ENOX1: variants seen among roughly 807,000 people sequenced by gnomAD.
The protein encoded by ENOX1 is candidate growth-related and time keeping constitutive hydroquinone (NADH) oxidase.
Under a neutral mutation model 82.5 loss-of-function variants are expected in ENOX1, and 42 were observed. The ratio of observed to expected loss-of-function variants is 0.51; its 90% CI spans 0.40 to 0.66. ENOX1 has a LOEUF of 0.66. ENOX1 is among the 30% of genes least tolerant of loss of function. The pLI is 0.00. For synonymous variants in ENOX1, 271 were observed against 282.2 expected (o/e 0.96, Z 0.40); for missense variants, 608 against 811.6 (o/e 0.75, Z 3.05).
intron 11 of ENOX1, among the ~76,000 whole-genome samples, 175 bp from the exon 12 acceptor site, chr13:43,298,705 T>C (rs1192232788): frequency 6.6e-6 from 1 of 152,246 alleles, no homozygotes; most frequent in Admixed American, 6.5e-5. Context: ...ATCACTTCTC[T>C]CGGAACTTTT....
intron 1 of ENOX1, among the ~76,000 whole-genome samples, chr13:43,714,641 T>C (rs2087982633): frequency 6.6e-6 from 1 of 152,220 alleles, no homozygotes; most frequent in Admixed American, 6.5e-5. Context: ...GCTCTTCTTG[T>C]TGAATTGATC....
chr13:43,729,286 T>C (rs908205053), intron 1 of ENOX1, among the ~76,000 whole-genome samples: 1 of 152,346 alleles, frequency 6.6e-6, no homozygotes, highest in African/African-American at 2.4e-5. Flanking sequence ...ATTCTTCTGA[T>C]TAAGTTATAG....
intron 11 of ENOX1, among the ~76,000 whole-genome samples, chr13:43,308,150 CT>C (rs58579690): frequency 7.9e-4 from 1 of 1,262 alleles, no homozygotes; most frequent in South Asian, 0.17. Context: ...ACCCTCCACA[CT>C]TTGCCCTCCC....
At chr13:43,460,460 G>T (rs558249886) in intron 3 of ENOX1, among the ~76,000 whole-genome samples, 7 of 152,156 alleles carry the variant, frequency 4.6e-5, no homozygotes, top group Admixed American at 4.6e-4. Flanking sequence ...GTCCTGGTTT[G>T]CCCAGTAATA....
chr13:43,537,339 G>T (rs1445330127), intron 2 of ENOX1, among the ~76,000 whole-genome samples: 2 of 152,172 alleles, frequency 1.3e-5, no homozygotes, highest in African/African-American at 4.8e-5. Flanking sequence ...ACCTTCCCAG[G>T]GTAGAAGGGG....
intron 1 of ENOX1, among the ~76,000 whole-genome samples, chr13:43,717,392 C>A (rs940211971): frequency 1.3e-5 from 2 of 152,146 alleles, no homozygotes; most frequent in Non-Finnish European, 2.9e-5. Flanking sequence ...AACATTAACC[C>A]AACATGGATT....
intron 1 of ENOX1, among the ~76,000 whole-genome samples, chr13:43,721,540 G>A (rs945978202): frequency 2.0e-5 from 3 of 148,138 alleles, no homozygotes; most frequent in Admixed American, 2.0e-4. Flanking sequence ...CACTACGCCC[G>A]GCTAATTTTT....
At chr13:43,214,250 G>T in intron 16 of ENOX1, 129 bp from the exon 17 acceptor site, 3 of 900,104 alleles carry the variant, frequency 3.3e-6, no homozygotes, top group Non-Finnish European at 5.0e-6. Flanking sequence ...TCAGGGGGAT[G>T]TCCTTATAGA....
chr13:43,766,198 G>A (rs1411688700), intron 1 of ENOX1, among the ~76,000 whole-genome samples: 1 of 152,098 alleles, frequency 6.6e-6, no homozygotes, highest in Non-Finnish European at 1.5e-5. Context: ...GCATTTATCT[G>A]GAAAAACAGG....
intron 3 of ENOX1, among the ~76,000 whole-genome samples, chr13:43,470,216 ATG>A (rs1555289631): frequency 1.0e-5 from 1 of 95,424 alleles, no homozygotes; most frequent in Non-Finnish European, 2.4e-5. Context: ...GTATATATAT[ATG>A]TGTGTGTATG....
At chr13:43,524,790 C>T (rs1158298437) in intron 2 of ENOX1, among the ~76,000 whole-genome samples, 1 of 152,124 alleles carries the variant, frequency 6.6e-6, no homozygotes, top group Non-Finnish European at 1.5e-5. Flanking sequence ...GCTTCTACAA[C>T]TCTATCTTTA....
rs571031802 is a variant in ENOX1 at position 43,331,263 on chromosome 13, T to C, written c.1037-4738A>G. On this transcript the variant is annotated intron_variant, in intron 9 of 16. Transcript: ENST00000690772. ...CCTTTTCCCTTCATGTCTTGCCGAC[T>C]GCCTTCTTTCTCACAGGCCCTGCAC... Among the ~76,000 whole-genome samples, 4 of 152,358 alleles carry C rather than the reference T, an allele frequency of 2.6e-5. No homozygotes were observed. The East Asian group carries it at 7.7e-4, about 29-fold the overall frequency.
chr13:43,750,511 C>A (rs1950255171), intron 1 of ENOX1, among the ~76,000 whole-genome samples: 1 of 152,168 alleles, frequency 6.6e-6, no homozygotes, highest in African/African-American at 2.4e-5. Flanking sequence ...CACTGAGATA[C>A]CTTCCAAGTC....
intron 8 of ENOX1, among the ~76,000 whole-genome samples, chr13:43,354,437 G>A (rs979572818): frequency 2.7e-5 from 4 of 150,774 alleles, no homozygotes; most frequent in Non-Finnish European, 5.9e-5. Context: ...GATGGGGGAT[G>A]AAGATTGGAA....
At chr13:43,458,291 G>A (rs1460166711) in intron 3 of ENOX1, among the ~76,000 whole-genome samples, 1 of 151,958 alleles carries the variant, frequency 6.6e-6, no homozygotes, top group African/African-American at 2.4e-5. Context: ...TATTTTGCAG[G>A]ATTTTATGAG....
chr13:43,780,958 A>G (rs1594780182), intron 1 of ENOX1, among the ~76,000 whole-genome samples: 1 of 152,164 alleles, frequency 6.6e-6, no homozygotes, highest in Non-Finnish European at 1.5e-5. Context: ...AGCAAACTTT[A>G]CCCTCCAGCA....
At chr13:43,221,767 T>TC (rs2041802025) in intron 16 of ENOX1, among the ~76,000 whole-genome samples, 1 of 152,172 alleles carries the variant, frequency 6.6e-6, no homozygotes, top group Non-Finnish European at 1.5e-5. Context: ...CCATTCCTAG[T>TC]CATTCTTACA....
intron 2 of ENOX1, among the ~76,000 whole-genome samples, chr13:43,492,768 T>G (rs1300823777): frequency 6.6e-6 from 1 of 152,228 alleles, no homozygotes; most frequent in Non-Finnish European, 1.5e-5. Context: ...CTTTAAAATT[T>G]TATGCCTTAA....
intron 1 of ENOX1, among the ~76,000 whole-genome samples, chr13:43,735,351 GACAA>G (rs1379360970): frequency 6.6e-6 from 1 of 152,044 alleles, no homozygotes; most frequent in African/African-American, 2.4e-5. Flanking sequence ...ACCAAACTGA[GACAA>G]ACAATAAAAT....
Sources: allele counts gnomAD v4.1 joint callset (sites outside exome capture counted in the v4.1 genomes callset), GRCh38; gene constraint gnomAD v4.1.1; transcripts MANE v1.5; gene names NCBI Gene and HGNC (gene_info 2026-07-23, HGNC 2026-07-21).